BBS9: variants seen among roughly 807,000 people sequenced by gnomAD.
BBS9 encodes protein PTHB1.
Under a neutral mutation model 117.7 loss-of-function variants are expected in BBS9, and 89 were observed. That is an observed-to-expected ratio of 0.76 (90% CI 0.64 to 0.90). The LOEUF is 0.90. Ranked by LOEUF, BBS9 falls within the 40% of genes least tolerant of loss-of-function variation. The pLI is 0.00. For synonymous variants in BBS9, 379 were observed against 370.9 expected (o/e 1.02, Z -0.25); for missense variants, 982 against 1,042.2 (o/e 0.94, Z 0.80).
At chr7:33,620,025 GA>G (rs1224839369) in intron 21 of BBS9, among the ~76,000 whole-genome samples, 1 of 151,724 alleles carries the variant, frequency 6.6e-6, no homozygotes, top group South Asian at 2.1e-4. Context: ...ATAGAGACTA[GA>G]AAAATAATAG....
chr7:33,609,906 G>A (rs139396295), downstream of BBS9, among the ~76,000 whole-genome samples: 1 of 152,092 alleles, frequency 6.6e-6, no homozygotes, highest in Admixed American at 6.6e-5. Flanking sequence ...TATCCAGTTA[G>A]CCCAAGTTGA....
intron 5 of BBS9, among the ~76,000 whole-genome samples, chr7:33,243,626 T>C (rs796804948): frequency 1.5e-4 from 23 of 152,306 alleles, no homozygotes; most frequent in African/African-American, 4.6e-4. Context: ...CAGTTTTTCT[T>C]TTGTTCCTGG....
chr7:33,238,266 G>A (rs889133110), intron 5 of BBS9, among the ~76,000 whole-genome samples: 1 of 151,984 alleles, frequency 6.6e-6, no homozygotes, highest in African/African-American at 2.4e-5. Flanking sequence ...TGAACTTCAG[G>A]AATAGTGGGG....
chr7:33,312,421 A>G (rs1809469237), intron 9 of BBS9, among the ~76,000 whole-genome samples: 1 of 152,192 alleles, frequency 6.6e-6, no homozygotes, highest in Admixed American at 6.5e-5. Context: ...TGCGCAGTGA[A>G]TGCTTATTGA....
At chr7:33,507,989 T>TA (rs1846384829) in intron 20 of BBS9, among the ~76,000 whole-genome samples, 1 of 152,258 alleles carries the variant, frequency 6.6e-6, no homozygotes, top group Non-Finnish European at 1.5e-5. Flanking sequence ...GTGTGAATTT[T>TA]ACCATTGGTC....
intron 4 of BBS9, among the ~76,000 whole-genome samples, chr7:33,160,384 C>T (rs894476231): frequency 2.0e-5 from 3 of 152,164 alleles, no homozygotes; most frequent in Non-Finnish European, 4.4e-5. Context: ...TTCTCACCTG[C>T]ATTGGGCCTT....
intron 7 of BBS9, among the ~76,000 whole-genome samples, chr7:33,270,325 C>T (rs181329002): frequency 4.1e-4 from 62 of 152,234 alleles, no homozygotes; most frequent in Admixed American, 2.4e-3. Context: ...TCTAAATGAT[C>T]GCACTAATTC....
chr7:33,619,552 G>A (rs995773941), intron 21 of BBS9, among the ~76,000 whole-genome samples: 6 of 151,984 alleles, frequency 3.9e-5, no homozygotes, highest in South Asian at 2.1e-4. Context: ...GCAGCAGAAC[G>A]CATGATATTT....
intron 5 of BBS9, among the ~76,000 whole-genome samples, chr7:33,220,368 T>C (rs903058059): frequency 6.6e-6 from 1 of 152,208 alleles, no homozygotes; most frequent in Non-Finnish European, 1.5e-5. Flanking sequence ...TTTTTGACTT[T>C]GACCCCTTGT....
At chr7:33,376,881 T>A (rs1823995028) in intron 17 of BBS9, among the ~76,000 whole-genome samples, 1 of 152,226 alleles carries the variant, frequency 6.6e-6, no homozygotes, top group Admixed American at 6.5e-5. Context: ...TTTGCTCACT[T>A]TTTAATGGGG....
intron 19 of BBS9, among the ~76,000 whole-genome samples, chr7:33,495,613 A>G (rs747810406): frequency 2.0e-5 from 3 of 152,132 alleles, no homozygotes; most frequent in Non-Finnish European, 2.9e-5. Flanking sequence ...TCTTCTTTTT[A>G]CAACCTGATT....
At chr7:33,386,345 A>G (rs1333952620) in intron 18 of BBS9, among the ~76,000 whole-genome samples, 10 of 151,968 alleles carry the variant, frequency 6.6e-5, no homozygotes, top group East Asian at 3.9e-4. Context: ...TTTGAATATG[A>G]TGTTTATTTC....
intron 9 of BBS9, among the ~76,000 whole-genome samples, chr7:33,307,362 T>A (rs1235389201): frequency 6.6e-6 from 1 of 152,182 alleles, no homozygotes; most frequent in East Asian, 1.9e-4. Flanking sequence ...GTGTTTGTTG[T>A]GGTCTGTTAT....
downstream of BBS9, among the ~76,000 whole-genome samples, chr7:33,609,351 C>T (rs1313970974): frequency 6.6e-6 from 1 of 152,138 alleles, no homozygotes; most frequent in African/African-American, 2.4e-5. Context: ...GCGATTTACT[C>T]TTCTTCATTA....
intron 19 of BBS9, among the ~76,000 whole-genome samples, chr7:33,437,702 C>A (rs569059571): frequency 6.6e-6 from 1 of 151,884 alleles, no homozygotes; most frequent in Non-Finnish European, 1.5e-5. Context: ...GGTGAAACTC[C>A]GTCTCTACTA....
At chr7:33,422,320 AT>A (rs1258889120) in intron 19 of BBS9, among the ~76,000 whole-genome samples, 1 of 152,202 alleles carries the variant, frequency 6.6e-6, no homozygotes, top group African/African-American at 2.4e-5. Context: ...AGACCACTGT[AT>A]ATTTGATGTG....
intron 21 of BBS9, among the ~76,000 whole-genome samples, chr7:33,545,182 T>C (rs1452489294): frequency 1.3e-5 from 2 of 152,164 alleles, no homozygotes; most frequent in Non-Finnish European, 2.9e-5. Context: ...GCATGCCCGA[T>C]TTGTGCCCTC....
intron 16 of BBS9, among the ~76,000 whole-genome samples, 176 bp downstream of exon 16, chr7:33,358,171 A>T (rs138176833): frequency 6.6e-6 from 1 of 151,860 alleles, no homozygotes; most frequent in Non-Finnish European, 1.5e-5. Flanking sequence ...GCTTATATCA[A>T]CAAGGTAATA....
chr7:33,404,419 A>G (rs996297243), intron 19 of BBS9, among the ~76,000 whole-genome samples: 1 of 152,026 alleles, frequency 6.6e-6, no homozygotes, highest in African/African-American at 2.4e-5. Context: ...CATTGAATCT[A>G]TAAATTACCT....
Sources: gnomAD v4.1 joint callset for allele counts (sites outside exome capture counted in the v4.1 genomes callset) on GRCh38, gnomAD v4.1.1 for gene constraint, MANE v1.5 for transcripts, NCBI Gene and HGNC (gene_info 2026-07-23, HGNC 2026-07-21) for gene names.